Variants in MICU1 observed in about 807,000 individuals in gnomAD.
MICU1 encodes the protein mitochondrial calcium uptake 1, also known as calcium uptake protein 1, mitochondrial.
In MICU1, 45 loss-of-function variants were observed where a neutral mutation model predicts 56.8. That is an observed-to-expected ratio of 0.79 (90% CI 0.62 to 1.02). MICU1 has a LOEUF of 1.02. Among genes scored for constraint, MICU1 ranks in the 50% least tolerant of loss-of-function variants. The pLI, the probability that MICU1 is intolerant of heterozygous loss-of-function variation, is 0.00. For missense variants in MICU1, 504 were observed against 587.1 expected, an observed-to-expected ratio of 0.86 and a Z score of 1.46; for synonymous variants, 186 against 195.1, an observed-to-expected ratio of 0.95 and a Z score of 0.39.
chr10:72,595,675 G>A (rs921512893), intron 1 of MICU1, among the ~76,000 whole-genome samples: 16 of 152,056 alleles, frequency 1.1e-4, no homozygotes, highest in Admixed American at 6.6e-5. Context: ...CTAATTGTAG[G>A]AAATAACTTT....
intron 1 of MICU1, among the ~76,000 whole-genome samples, chr10:72,600,784 A>G (rs1177326502): frequency 6.6e-6 from 1 of 152,246 alleles, no homozygotes; most frequent in African/African-American, 2.4e-5. Flanking sequence ...AGTAGAAGAC[A>G]TAAACAGAAA....
intron 8 of MICU1, among the ~76,000 whole-genome samples, chr10:72,438,264 A>G (rs1054819010): frequency 3.3e-5 from 5 of 152,234 alleles, no homozygotes; most frequent in African/African-American, 1.2e-4. Flanking sequence ...CCGCACAACT[A>G]CATGGAAACT....
At chr10:72,425,693 T>C (rs145952488) in intron 8 of MICU1, among the ~76,000 whole-genome samples, 2 of 152,246 alleles carry the variant, frequency 1.3e-5, no homozygotes, top group African/African-American at 4.8e-5. Flanking sequence ...TCCTTTTAGG[T>C]TTTTAGGCTT....
intron 8 of MICU1, among the ~76,000 whole-genome samples, chr10:72,435,927 C>CT (rs1322407046): frequency 6.6e-6 from 1 of 152,268 alleles, no homozygotes; most frequent in Admixed American, 6.5e-5. Context: ...TCAACAAGGC[C>CT]TACTGCCTCT....
At chr10:72,421,896 C>A (rs1864186675) in intron 9 of MICU1, among the ~76,000 whole-genome samples, 1 of 152,194 alleles carries the variant, frequency 6.6e-6, no homozygotes, top group Non-Finnish European at 1.5e-5. Flanking sequence ...TGAAGTCTTG[C>A]ATGTTCTGTT....
rs139990447 is a variant in MICU1 at position 72,508,486 on chromosome 10, T to G, written c.538-217A>C. The G allele has an allele frequency of 1.4e-3, 485 of 344,796 alleles. 3 individuals are homozygous for G. Among genetic ancestry groups the G allele is most frequent in the Non-Finnish European group, 2.1e-3 (392 of 190,474 alleles). 21.4% of individuals were successfully genotyped at this position (344,796 alleles called of 1,614,324 possible). ...TTTTCATTTCAACACTAGTTCAATA[T>G]GAACATTAGAAAATAATTTCAATGT... On this transcript the variant is annotated intron_variant, in intron 5 of 11. Transcript: ENST00000361114.
At chr10:72,492,691 A>G (rs1229825073) in intron 6 of MICU1, among the ~76,000 whole-genome samples, 1 of 151,092 alleles carries the variant, frequency 6.6e-6, no homozygotes, top group Non-Finnish European at 1.5e-5. Context: ...TGAACCCGGG[A>G]GGTGGAGGCT....
chr10:72,383,879 A>G (rs1589156686), intron 10 of MICU1, among the ~76,000 whole-genome samples: 1 of 151,520 alleles, frequency 6.6e-6, no homozygotes, highest in Admixed American at 6.6e-5. Context: ...GCTCACTGCA[A>G]CCTCTGCCTC....
chr10:72,467,708 C>A (rs1202506478), intron 8 of MICU1: 1 of 152,078 alleles, frequency 6.6e-6, no homozygotes, highest in Non-Finnish European at 1.5e-5. Flanking sequence ...TCTAGTTTAA[C>A]CTCAATATTT....
At chr10:72,572,009 T>C (rs1840622362) in intron 1 of MICU1, among the ~76,000 whole-genome samples, 1 of 145,448 alleles carries the variant, frequency 6.9e-6, no homozygotes, top group Non-Finnish European at 1.5e-5. Context: ...CTAGGTACTA[T>C]GGTAAAAAAA....
chr10:72,467,175 T>TTTTTG (rs923612220), intron 8 of MICU1, among the ~76,000 whole-genome samples: 5 of 151,816 alleles, frequency 3.3e-5, no homozygotes, highest in South Asian at 2.1e-4. Flanking sequence ...ATTTTCTGGT[T>TTTTTG]TTTTGTTTTG....
chr10:72,400,393 G>A (rs911001969), intron 10 of MICU1, among the ~76,000 whole-genome samples: 3 of 152,000 alleles, frequency 2.0e-5, no homozygotes, highest in Non-Finnish European at 2.9e-5. Context: ...CTTTAGTTGG[G>A]CTTTTCAAAA....
chr10:72,388,455 C>T (rs1453537673), intron 10 of MICU1, among the ~76,000 whole-genome samples: 5 of 152,108 alleles, frequency 3.3e-5, no homozygotes, highest in Admixed American at 1.3e-4. Context: ...TCTACTAAGG[C>T]GTTCCTATGC....
intron 1 of MICU1, among the ~76,000 whole-genome samples, chr10:72,578,711 G>A (rs1021112213): frequency 6.6e-6 from 1 of 151,892 alleles, no homozygotes; most frequent in African/African-American, 2.4e-5. Flanking sequence ...AGGTTCAAGC[G>A]ACTCTCCTGC....
chr10:72,442,173 T>C (rs917720354), intron 8 of MICU1, among the ~76,000 whole-genome samples: 2 of 152,114 alleles, frequency 1.3e-5, no homozygotes, highest in African/African-American at 4.8e-5. Flanking sequence ...TTTTCTTTTT[T>C]TGAGACGGAG....
chr10:72,540,475 A>G (rs1214541146), intron 4 of MICU1, among the ~76,000 whole-genome samples: 1 of 151,866 alleles, frequency 6.6e-6, no homozygotes, highest in East Asian at 1.9e-4. Context: ...AGAGTTTGAG[A>G]GCAACCTGGG....
At chr10:72,424,260 A>C (rs1278887204) in intron 8 of MICU1, among the ~76,000 whole-genome samples, 3 of 151,966 alleles carry the variant, frequency 2.0e-5, no homozygotes, top group African/African-American at 7.3e-5. Flanking sequence ...TTACAGGTGC[A>C]CACCACCACG....
At chr10:72,449,127 G>A (rs1385629045) in intron 8 of MICU1, among the ~76,000 whole-genome samples, 1 of 152,174 alleles carries the variant, frequency 6.6e-6, no homozygotes, top group African/African-American at 2.4e-5. Flanking sequence ...TCTGGGCATG[G>A]TGACTCATAC....
intron 9 of MICU1, among the ~76,000 whole-genome samples, chr10:72,420,120 C>T (rs553992040): frequency 3.9e-5 from 6 of 152,136 alleles, no homozygotes; most frequent in Non-Finnish European, 7.3e-5. Context: ...AGTGCAATGG[C>T]GCGATCTCGG....
Sources: allele counts gnomAD v4.1 joint callset (sites outside exome capture counted in the v4.1 genomes callset), GRCh38; gene constraint gnomAD v4.1.1; transcripts MANE v1.5; gene names NCBI Gene and HGNC (gene_info 2026-07-23, HGNC 2026-07-21).